CEP162: variants seen among roughly 807,000 people sequenced by gnomAD.
CEP162 encodes the protein centrosomal protein 162, also known as centrosomal protein of 162 kDa.
A neutral mutation model predicts 169.2 loss-of-function variants in CEP162; 141 were observed. The observed-to-expected ratio is 0.83, with a 90% CI of 0.73 to 0.96. The LOEUF (loss-of-function observed/expected upper bound fraction) is 0.96. CEP162 is among the 40% of genes least tolerant of loss of function. The pLI, the probability that CEP162 is intolerant of heterozygous loss-of-function variation, is 0.00. For synonymous variants in CEP162, 540 were observed against 526.4 expected (o/e 1.03, Z -0.35); for missense variants, 1,600 against 1,587.2 (o/e 1.01, Z -0.14).
chr6:84,200,203 T>C (rs2099543919), intron 9 of CEP162, among the ~76,000 whole-genome samples: 1 of 152,164 alleles, frequency 6.6e-6, no homozygotes, highest in South Asian at 2.1e-4. Flanking sequence ...TGAGCCAAGG[T>C]AGCGCCACTG....
intron 18 of CEP162, among the ~76,000 whole-genome samples, chr6:84,164,543 G>A (rs1202532743): frequency 6.6e-6 from 1 of 152,178 alleles, no homozygotes; most frequent in African/African-American, 2.4e-5. Flanking sequence ...CATGTCCTTT[G>A]CAGGGCCATG....
At chr6:84,189,397 C>T (rs1308303441) in intron 11 of CEP162, among the ~76,000 whole-genome samples, 3 of 152,278 alleles carry the variant, frequency 2.0e-5, no homozygotes, top group East Asian at 3.9e-4. Context: ...ACCGGGGCTG[C>T]GTGCGGCGCT....
At position 84,203,994 on chromosome 6, in the gene CEP162, C is replaced by T. The variant is rs778871763; in HGVS notation, c.674G>A (p.Ser225Asn). The T allele has an allele frequency of 6.2e-7, 1 of 1,605,826 alleles. No homozygotes were observed. The highest frequency in any genetic ancestry group is 8.5e-7 in the Non-Finnish European group (1 of 1,175,936). The change falls in exon 7 of 27, where the codon AGT (serine) becomes AAT (asparagine). Residue 225 changes from serine (S) to asparagine (N), a missense_variant. Transcript: ENST00000403245. The part of the protein sequence containing the change: ...SKENSKSEKI[S>N]VPKQEEEKTG... ...TGATATATATACCTGTTTGGGCACACTTATTTTTTCTGATTTGGAATTCTC... is the reference window on the plus strand; with the variant it reads ...TGATATATATACCTGTTTGGGCACATTTATTTTTTCTGATTTGGAATTCTC...
Position 84,175,233 on chromosome 6 carries a change from G to A in CEP162, c.1778C>T (p.Ser593Phe). 1 of 1,537,894 alleles carries A rather than the reference G, an allele frequency of 6.5e-7. No individual in the cohort carries two copies. Among genetic ancestry groups the A allele is most frequent in the Non-Finnish European group, 8.8e-7 (1 of 1,138,854 alleles). ...KKSENPTETDSCIQFQTDSLG... is the reference protein window; with the variant it reads ...KKSENPTETDFCIQFQTDSLG... ...ACCTACAGTCTGAAACTGAATACAGGAATCAGTTTCTGTGGGATTTTCAGA... is the reference window on the plus strand; with the variant it reads ...ACCTACAGTCTGAAACTGAATACAGAAATCAGTTTCTGTGGGATTTTCAGA... Residue 593 changes from serine to phenylalanine, a missense_variant, in exon 14 of 27, where the codon TCC becomes TTC. Physicochemically the swap from Ser to Phe is radical, Grantham distance 155 (BLOSUM62 -2). Transcript: ENST00000403245.
At chr6:84,226,900 C>T (rs1282346137) in intron 1 of CEP162, among the ~76,000 whole-genome samples, 2 of 152,110 alleles carry the variant, frequency 1.3e-5, no homozygotes, top group East Asian at 1.9e-4. Flanking sequence ...GTAATAGTTT[C>T]GTAAAGCAGA....
At chr6:84,224,581 G>A (rs1237550724) in intron 2 of CEP162, among the ~76,000 whole-genome samples, 1 of 152,128 alleles carries the variant, frequency 6.6e-6, no homozygotes, top group Admixed American at 6.5e-5. Context: ...TACCACTACT[G>A]TCCTAAAAAA....
chr6:84,143,796 C>A (rs929590648), intron 25 of CEP162, among the ~76,000 whole-genome samples: 1 of 151,890 alleles, frequency 6.6e-6, no homozygotes, highest in Non-Finnish European at 1.5e-5. Context: ...CTTGGAGCAT[C>A]GGTCTGCTCT....
chr6:84,162,060 A>C (rs999139054), intron 19 of CEP162, among the ~76,000 whole-genome samples, 151 bp from the exon 20 acceptor site: 1 of 152,198 alleles, frequency 6.6e-6, no homozygotes, highest in Non-Finnish European at 1.5e-5. Context: ...TATACAACAT[A>C]GTGTCTAGCT....
At position 84,215,954 on chromosome 6, in the gene CEP162, T is replaced by G. The variant is rs779344376; in HGVS notation, c.173-32A>C. The G allele has an allele frequency of 1.6e-5, 24 of 1,490,222 alleles. No homozygotes were observed. The South Asian group carries it at 3.1e-4, about 20-fold the overall frequency. The allele number at this position is 1,490,222 out of a possible 1,614,324, so 92.3% of individuals were successfully genotyped here. On this transcript the variant is annotated intron_variant, in intron 3 of 26. Transcript: ENST00000403245. ...ACACAATTTAATACAGATGAAGATT[T>G]ATGTTCAAAGAATTGTTTTGGCCAC...
chr6:84,163,463 A>T (rs1172008645), intron 18 of CEP162, among the ~76,000 whole-genome samples, 193 bp from the exon 19 acceptor site: 1 of 152,108 alleles, frequency 6.6e-6, no homozygotes, highest in African/African-American at 2.4e-5. Context: ...ATCAGTTCTA[A>T]TTATCTCAAC....
chr6:84,202,190 C>T (rs2099544800), intron 7 of CEP162, among the ~76,000 whole-genome samples: 1 of 152,130 alleles, frequency 6.6e-6, no homozygotes, highest in Non-Finnish European at 1.5e-5. Context: ...ATCTTGTACT[C>T]ATTATTTCAT....
intron 22 of CEP162, among the ~76,000 whole-genome samples, chr6:84,153,879 T>C (rs567267795): frequency 2.0e-5 from 3 of 152,092 alleles, no homozygotes; most frequent in African/African-American, 4.8e-5. Context: ...AGTAAAATAA[T>C]GGGCCTGTGA....
chr6:84,160,695 C>G, intron 21 of CEP162, 117 bp downstream of exon 21: 1 of 638,500 alleles, frequency 1.6e-6, no homozygotes, highest in Non-Finnish European at 2.8e-6. Flanking sequence ...AATGTAAATA[C>G]TTTAAAACAA....
chr6:84,174,021 T>C (rs1156515429), intron 16 of CEP162, 27 bp downstream of exon 16: 1 of 1,590,150 alleles, frequency 6.3e-7, no homozygotes, highest in East Asian at 2.2e-5. Flanking sequence ...AAGAGTAAAT[T>C]TGCCATATGT....
At chr6:84,194,455 CT>C (rs1161034049) in intron 10 of CEP162, among the ~76,000 whole-genome samples, 30,249 of 137,030 alleles carry the variant, frequency 0.22, 6,784 homozygotes, top group African/African-American at 0.59. Context: ...TTGAAAAAAT[CT>C]TTTTTTTTTT....
chr6:84,219,703 G>A (rs2099552928), intron 3 of CEP162, among the ~76,000 whole-genome samples: 1 of 152,176 alleles, frequency 6.6e-6, no homozygotes, highest in South Asian at 2.1e-4. Context: ...AAAAAGAACA[G>A]AGAAGTAACT....
chr6:84,149,785 A>C lies in CEP162; in HGVS notation c.3630-82T>G, dbSNP rs1010817176. On this transcript the variant is annotated intron_variant, in intron 23 of 26. Coordinates refer to ENST00000403245, the MANE Select transcript of CEP162 (RefSeq NM_014895.4). ...AGAGTTAGCACAAAAACAGTAGAAG[A>C]AACCTGGGAATTAAGCAAGGGGAAA... 15 of 1,221,068 alleles carry C rather than the reference A, an allele frequency of 1.2e-5. No homozygotes were observed. In the Admixed American group the frequency reaches 2.2e-4, roughly 18 times the overall value. The allele number at this position is 1,221,068 out of a possible 1,614,324, so 75.6% of individuals were successfully genotyped here. A position where few individuals can be genotyped will look rare whatever the true frequency, so the allele number is the denominator to read the frequency against.
chr6:84,133,078 C>T (rs549178918), intron 25 of CEP162, among the ~76,000 whole-genome samples: 10 of 152,206 alleles, frequency 6.6e-5, no homozygotes, highest in East Asian at 3.9e-4. Flanking sequence ...TCCTTCTAAC[C>T]GTCAGGACCC....
At chr6:84,135,883 G>C (rs1419752368) in intron 25 of CEP162, among the ~76,000 whole-genome samples, 1 of 152,128 alleles carries the variant, frequency 6.6e-6, no homozygotes, top group Non-Finnish European at 1.5e-5. Flanking sequence ...AAAAAAATGA[G>C]CCTGGTACAC....
Sources: allele counts gnomAD v4.1 joint callset (sites outside exome capture counted in the v4.1 genomes callset), GRCh38; gene constraint gnomAD v4.1.1; transcripts MANE v1.5; gene names NCBI Gene and HGNC (gene_info 2026-07-23, HGNC 2026-07-21).